Variants in NADSYN1 observed in about 807,000 individuals in gnomAD.
The protein encoded by NADSYN1 is glutamine-dependent NAD(+) synthetase.
Under a neutral mutation model 99.3 loss-of-function variants are expected in NADSYN1, and 80 were observed. The ratio of observed to expected loss-of-function variants is 0.81; its 90% CI spans 0.67 to 0.97. NADSYN1 has a LOEUF of 0.97. Among genes scored for constraint, NADSYN1 ranks in the 50% least tolerant of loss-of-function variants. NADSYN1 has a pLI of 0.00. For synonymous variants in NADSYN1, 385 were observed against 372.1 expected (o/e 1.03, Z -0.40); for missense variants, 859 against 948.5 (o/e 0.91, Z 1.24).
chr11:71,501,681 A>G lies in NADSYN1; in HGVS notation c.*329A>G, dbSNP rs1032091225. The stretch of plus-strand genomic sequence containing the variant: ...TGGCATCTTTGCTGCAGGAACAAGA[A>G]CAGTAGCTCCCGGGAAGGGAGGGGT... On this transcript the variant is annotated 3_prime_UTR_variant, in exon 21 of 21. Transcript: ENST00000319023. 1 of 354,418 alleles carries G rather than the reference A, an allele frequency of 2.8e-6. No individual in the cohort carries two copies. The highest frequency in any genetic ancestry group is 5.2e-6 in the Non-Finnish European group (1 of 193,094). 22.0% of individuals were successfully genotyped at this position (354,418 alleles called of 1,614,324 possible).
intron 15 of NADSYN1, chr11:71,484,877 G>A (rs1949732272): frequency 5.0e-6 from 1 of 200,802 alleles, no homozygotes. Context: ...TTGTGCAAAA[G>A]CAAGTGTGAG....
At chr11:71,483,092 G>A in intron 14 of NADSYN1, 75 bp downstream of exon 14, 1 of 1,547,322 alleles carries the variant, frequency 6.5e-7, no homozygotes, top group Non-Finnish European at 8.9e-7. Flanking sequence ...CCGCCTGTGA[G>A]TGCATTGGTG....
At chr11:71,488,417 C>G (rs1041026009) in intron 16 of NADSYN1, among the ~76,000 whole-genome samples, 1 of 151,982 alleles carries the variant, frequency 6.6e-6, no homozygotes, top group Non-Finnish European at 1.5e-5. Flanking sequence ...GAGAAGAGCC[C>G]GTGAAGCCCT....
At position 71,501,621 on chromosome 11, in the gene NADSYN1, C is replaced by T. The variant is rs1196087157; in HGVS notation, c.*269C>T. 6.0e-6 allele frequency: 3 copies of T among 500,068 alleles called. No homozygotes were observed. Among genetic ancestry groups the T allele is most frequent in the Admixed American group, 3.7e-5 (1 of 27,036 alleles). The allele number at this position is 500,068 out of a possible 1,614,324, so 31.0% of individuals were successfully genotyped here. A position where few individuals can be genotyped will look rare whatever the true frequency, so the allele number is the denominator to read the frequency against. ...AAGTCTGGCATTCTCCGAAGGAAGC[C>T]GCCTGGGTAGGAGGGTTCCAACCGC... On this transcript the variant is annotated 3_prime_UTR_variant, in exon 21 of 21. Transcript: ENST00000319023.
At chr11:71,479,509 T>C (rs1949690693) in intron 10 of NADSYN1, 1 of 152,190 alleles carries the variant, frequency 6.6e-6, no homozygotes, top group South Asian at 2.1e-4. Context: ...GCCACAATCT[T>C]AGCGCATTTT....
At chr11:71,497,780 G>C (rs1201960315) in intron 19 of NADSYN1, among the ~76,000 whole-genome samples, 169 bp downstream of exon 19, 1 of 152,208 alleles carries the variant, frequency 6.6e-6, no homozygotes, top group African/African-American at 2.4e-5. Flanking sequence ...CTGATCTTCT[G>C]CTGGCCCAAA....
In NADSYN1 at chr11:71,487,348, C is replaced by T. The variant is rs527788728; in HGVS notation, c.1562+1700C>T. ...GTGTAGTTGAGGAGATTGATGTTTGCTTTGGCTCTGCATTGCTTTTGTAGA... is the reference window on the plus strand; with the variant it reads ...GTGTAGTTGAGGAGATTGATGTTTGTTTTGGCTCTGCATTGCTTTTGTAGA... On this transcript the variant is annotated intron_variant, in intron 16 of 20. Coordinates refer to ENST00000319023, the MANE Select transcript of NADSYN1 (RefSeq NM_018161.5). Among the ~76,000 whole-genome samples the T allele has an allele frequency of 3.3e-5, 5 of 152,240 alleles. No individual in the cohort carries two copies. In the East Asian group the frequency reaches 9.6e-4, roughly 29 times the overall value.
intron 19 of NADSYN1, among the ~76,000 whole-genome samples, chr11:71,497,986 G>C (rs913835138): frequency 6.6e-6 from 1 of 152,330 alleles, no homozygotes; most frequent in Admixed American, 6.5e-5. Context: ...ATAAATCTTC[G>C]CAGGATTTAT....
Position 71,497,490 on chromosome 11 carries a change from T to C in NADSYN1, c.1772T>C (p.Met591Thr), listed in dbSNP as rs1275601853. 5.0e-6 allele frequency: 8 copies of C among 1,614,074 alleles called. No individual in the cohort carries two copies. The highest frequency in any genetic ancestry group is 1.1e-5 in the South Asian group (1 of 91,080). ...GATTTTTGTTGTGCACAGGAAGATA[T>C]GGGGATGACATATGCGGAGCTCTCG... ...GQVSQTDEED[M>T]GMTYAELSVY... Residue 591 changes from methionine to threonine, a missense_variant, in exon 19 of 21, where the codon ATG becomes ACG. Coordinates refer to ENST00000319023, the MANE Select transcript of NADSYN1 (RefSeq NM_018161.5).
intron 13 of NADSYN1, 70 bp from the exon 14 acceptor site, chr11:71,482,779 C>T (rs1161326024): frequency 9.1e-6 from 14 of 1,539,734 alleles, no homozygotes; most frequent in East Asian, 6.9e-5. Flanking sequence ...GGGTGTAGAC[C>T]GGGGTGGAAC....
At chr11:71,498,127 T>TTTCATAGCATCAGAGGCA (rs1949832501) in intron 19 of NADSYN1, among the ~76,000 whole-genome samples, 1 of 151,686 alleles carries the variant, frequency 6.6e-6, no homozygotes, top group Non-Finnish European at 1.5e-5. Context: ...GCATCAGAGG[T>TTTCATAGCATCAGAGGCA]GGGGGACCCC....
At chr11:71,466,317 C>G (rs548622956) in intron 5 of NADSYN1, among the ~76,000 whole-genome samples, 1 of 152,364 alleles carries the variant, frequency 6.6e-6, no homozygotes, top group African/African-American at 2.4e-5. Flanking sequence ...TGCCCCCATC[C>G]TCAGCCTCTA....
chr11:71,468,198 G>C (rs2120427541), intron 5 of NADSYN1, among the ~76,000 whole-genome samples: 1 of 152,326 alleles, frequency 6.6e-6, no homozygotes, highest in South Asian at 2.1e-4. Context: ...CTCATTAGTG[G>C]AAATTCTGAA....
chr11:71,469,792 G>A (rs1949615103), intron 5 of NADSYN1, among the ~76,000 whole-genome samples: 1 of 152,038 alleles, frequency 6.6e-6, no homozygotes, highest in Non-Finnish European at 1.5e-5. Flanking sequence ...TATAGATCTG[G>A]GGGCCTGTTC....
At chr11:71,478,542 T>TCCACCAGGCCC in intron 10 of NADSYN1, 73 bp downstream of exon 10, 1 of 1,356,668 alleles carries the variant, frequency 7.4e-7, no homozygotes, top group Non-Finnish European at 1.0e-6. Flanking sequence ...CGTGCGGGCC[T>TCCACCAGGCCC]GGTGGAGGCC....
intron 3 of NADSYN1, among the ~76,000 whole-genome samples, 199 bp from the exon 4 acceptor site, chr11:71,463,233 C>T (rs1463548690): frequency 6.6e-6 from 1 of 152,146 alleles, no homozygotes; most frequent in Non-Finnish European, 1.5e-5. Flanking sequence ...GTCGGTGCTG[C>T]CTGGGTGGCA....
intron 18 of NADSYN1, among the ~76,000 whole-genome samples, chr11:71,494,398 C>T (rs1301805153): frequency 6.6e-6 from 1 of 152,136 alleles, no homozygotes; most frequent in Non-Finnish European, 1.5e-5. Context: ...AGCACAGGTG[C>T]ATAGGAGGCT....
rs372934645 is a variant in NADSYN1 at position 71,480,617 on chromosome 11, G to A, written c.874-138G>A. Reference sequence around the variant, plus strand: ...GGTCGCTTTGCTTCTCGCCATCCTCGTGGGAGTGAGGGTGGCCTCACTGTG... The same window carrying A: ...GGTCGCTTTGCTTCTCGCCATCCTCATGGGAGTGAGGGTGGCCTCACTGTG... On this transcript the variant is annotated intron_variant, in intron 10 of 20. Coordinates refer to ENST00000319023, the MANE Select transcript of NADSYN1 (RefSeq NM_018161.5). 5.6e-5 allele frequency: 71 copies of A among 1,277,078 alleles called. No individual in the cohort carries two copies. In the African/African-American group the frequency reaches 6.6e-4, roughly 12 times the overall value. The allele number at this position is 1,277,078 out of a possible 1,614,324, so 79.1% of individuals were successfully genotyped here.
rs1026668750 is a variant in NADSYN1, at chr11:71,454,705, C to T, written c.86-405C>T. On this transcript the variant is annotated intron_variant, in intron 1 of 20. Transcript: ENST00000319023. ...CCTGACAGTGGCACCACTGCTGGAT[C>T]GTAATCCTCTAAGTCCTTTTTCCTC... Among the ~76,000 whole-genome samples the T allele has an allele frequency of 2.6e-5, 4 of 152,188 alleles. No individual in the cohort carries two copies. The South Asian group carries it at 8.3e-4, about 32-fold the overall frequency.
Sources: gnomAD v4.1 joint callset for allele counts (sites outside exome capture counted in the v4.1 genomes callset) on GRCh38, gnomAD v4.1.1 for gene constraint, MANE v1.5 for transcripts, NCBI Gene and HGNC (gene_info 2026-07-23, HGNC 2026-07-21) for gene names.